Variants in METTL24 observed in about 807,000 individuals in gnomAD.
METTL24 encodes the protein probable methyltransferase-like protein 24.
A neutral mutation model predicts 32.7 loss-of-function variants in METTL24; 29 were observed. That is an observed-to-expected ratio of 0.89 (90% CI 0.66 to 1.21). METTL24 has a LOEUF of 1.21. Among genes scored for constraint, METTL24 ranks in the 50% most tolerant of loss-of-function variants. The pLI, the probability that METTL24 is intolerant of heterozygous loss-of-function variation, is 0.00. For synonymous variants in METTL24, 163 were observed against 179.5 expected (o/e 0.91, Z 0.73); for missense variants, 439 against 468.1 (o/e 0.94, Z 0.57).
Position 110,341,473 on chromosome 6 carries a change from T to C in METTL24, c.318+16482A>G, listed in dbSNP as rs553827386. 1.2e-4 allele frequency among the ~76,000 whole-genome samples: 19 copies of C among 152,350 alleles called. No individual in the cohort carries two copies. The East Asian group carries it at 2.7e-3, about 22-fold the overall frequency. On this transcript the variant is annotated intron_variant, in intron 1 of 4. Transcript: ENST00000338882. Reference sequence around the variant, plus strand: ...TTCTGAGCAAAATGAATATTCACTATTCAAAAGGACATGCCCTATCCTAAT... The same window carrying C: ...TTCTGAGCAAAATGAATATTCACTACTCAAAAGGACATGCCCTATCCTAAT...
At chr6:110,324,613 A>G (rs988878559) in intron 1 of METTL24, among the ~76,000 whole-genome samples, 1 of 152,236 alleles carries the variant, frequency 6.6e-6, no homozygotes, top group Non-Finnish European at 1.5e-5. Context: ...GGGCCCACGA[A>G]TCATGTAGCC....
At chr6:110,260,610 G>A (rs1778475367) in intron 4 of METTL24, among the ~76,000 whole-genome samples, 1 of 152,158 alleles carries the variant, frequency 6.6e-6, no homozygotes, top group Non-Finnish European at 1.5e-5. Flanking sequence ...AGGAAATACA[G>A]AGAAGGCCAC....
intron 1 of METTL24, among the ~76,000 whole-genome samples, chr6:110,337,501 C>A (rs1012816058): frequency 1.3e-5 from 2 of 152,162 alleles, no homozygotes; most frequent in Admixed American, 1.3e-4. Flanking sequence ...ACAGCACTTT[C>A]CCAATGCCAC....
intron 4 of METTL24, among the ~76,000 whole-genome samples, chr6:110,262,236 G>C (rs1021138525): frequency 2.6e-5 from 4 of 152,076 alleles, no homozygotes; most frequent in African/African-American, 9.7e-5. Context: ...TAATAAAAAA[G>C]AAAAGAGAGA....
chr6:110,246,526 T>G (rs1433430711), intron 4 of METTL24, among the ~76,000 whole-genome samples: 4 of 152,198 alleles, frequency 2.6e-5, no homozygotes, highest in Non-Finnish European at 5.9e-5. Context: ...CAAGCAATCC[T>G]CCTGCCTCCG....
intron 1 of METTL24, among the ~76,000 whole-genome samples, chr6:110,334,376 G>A (rs981076994): frequency 3.9e-5 from 6 of 152,110 alleles, no homozygotes; most frequent in African/African-American, 1.2e-4. Context: ...CATCCCAGAG[G>A]CCACAGAGAG....
chr6:110,353,547 C>CT (rs75803780), intron 1 of METTL24, among the ~76,000 whole-genome samples: 2,460 of 104,014 alleles, frequency 0.024, 63 homozygotes, highest in African/African-American at 0.066. Context: ...GGAAACAGTT[C>CT]TTTTTTTTTT....
Position 110,351,591 on chromosome 6 carries a change from G to C in METTL24, c.318+6364C>G, listed in dbSNP as rs1009684248. Reference sequence around the variant, plus strand: ...AAATATGAGAAAAACAAAAACCTAAGGGCAAAACTGCATAAAAATTATACC... The same window carrying C: ...AAATATGAGAAAAACAAAAACCTAACGGCAAAACTGCATAAAAATTATACC... On this transcript the variant is annotated intron_variant, in intron 1 of 4. Transcript: ENST00000338882. 3.9e-5 allele frequency among the ~76,000 whole-genome samples: 6 copies of C among 152,312 alleles called. No individual in the cohort carries two copies. In the East Asian group the frequency reaches 1.2e-3, roughly 29 times the overall value.
In METTL24 at chr6:110,332,539, T is replaced by C. The variant is rs141231359; in HGVS notation, c.319-9667A>G. 72 of 956,952 alleles carry C rather than the reference T, an allele frequency of 7.5e-5. No individual in the cohort carries two copies. The East Asian group carries it at 6.0e-3, about 80-fold the overall frequency. The allele number at this position is 956,952 out of a possible 1,614,324, so 59.3% of individuals were successfully genotyped here. On this transcript the variant is annotated intron_variant, in intron 1 of 4. Coordinates refer to ENST00000338882, the MANE Select transcript of METTL24 (RefSeq NM_001123364.3). The stretch of plus-strand genomic sequence containing the variant: ...TAGTAAAGTTTCAGATGTCAAATTA[T>C]GGGTTTCATTGAGGTAGCACATCAA...
intron 1 of METTL24, among the ~76,000 whole-genome samples, chr6:110,326,540 G>A (rs1262479476): frequency 6.6e-6 from 1 of 152,206 alleles, no homozygotes; most frequent in Non-Finnish European, 1.5e-5. Flanking sequence ...TGTTAACTGG[G>A]TGACTTGGGC....
At chr6:110,247,966 G>C (rs1031045377) in intron 4 of METTL24, among the ~76,000 whole-genome samples, 1 of 152,114 alleles carries the variant, frequency 6.6e-6, no homozygotes, top group Non-Finnish European at 1.5e-5. Flanking sequence ...GGTCATAGGG[G>C]TGGATCCCTC....
At chr6:110,357,772 C>A (rs1772727459) in intron 1 of METTL24, 183 bp downstream of exon 1, 2 of 228,210 alleles carry the variant, frequency 8.8e-6, no homozygotes, top group Non-Finnish European at 1.7e-5. Flanking sequence ...GCACTTCAGT[C>A]TATCTGGGCA....
chr6:110,261,626 T>C (rs1186029062), intron 4 of METTL24, among the ~76,000 whole-genome samples: 1 of 152,186 alleles, frequency 6.6e-6, no homozygotes, highest in African/African-American at 2.4e-5. Context: ...CTAATAGACA[T>C]CTACAGAACT....
chr6:110,285,785 G>A (rs1335563344), intron 4 of METTL24, among the ~76,000 whole-genome samples: 1 of 152,208 alleles, frequency 6.6e-6, no homozygotes, highest in Admixed American at 6.5e-5. Context: ...TGGGCTTACA[G>A]CCCTCTGCTC....
At chr6:110,334,954 A>G (rs1195426582) in intron 1 of METTL24, among the ~76,000 whole-genome samples, 1 of 152,206 alleles carries the variant, frequency 6.6e-6, no homozygotes, top group Non-Finnish European at 1.5e-5. Context: ...TGAATGCACT[A>G]TAAGTTATAG....
At chr6:110,321,443 A>C (rs1295493360) in intron 2 of METTL24, among the ~76,000 whole-genome samples, 1 of 152,182 alleles carries the variant, frequency 6.6e-6, no homozygotes, top group Admixed American at 6.5e-5. Context: ...TATTTTGGCG[A>C]GTGAAGCCCA....
At chr6:110,355,360 G>A (rs1772682171) in intron 1 of METTL24, among the ~76,000 whole-genome samples, 4 of 152,174 alleles carry the variant, frequency 2.6e-5, no homozygotes, top group African/African-American at 7.2e-5. Context: ...AGTGAATGAC[G>A]TTTGGAGACT....
intron 3 of METTL24, among the ~76,000 whole-genome samples, chr6:110,310,899 A>G (rs983375938): frequency 2.0e-5 from 3 of 151,874 alleles, no homozygotes; most frequent in African/African-American, 7.3e-5. Flanking sequence ...CCAGGAATTT[A>G]CTCCCAGCTG....
At chr6:110,272,279 A>C (rs1156932678) in intron 4 of METTL24, among the ~76,000 whole-genome samples, 1 of 151,952 alleles carries the variant, frequency 6.6e-6, no homozygotes, top group Non-Finnish European at 1.5e-5. Flanking sequence ...GCTCCATCCA[A>C]GTTGTTGCAA....
Sources: allele counts gnomAD v4.1 joint callset (sites outside exome capture counted in the v4.1 genomes callset), GRCh38; gene constraint gnomAD v4.1.1; transcripts MANE v1.5; gene names NCBI Gene and HGNC (gene_info 2026-07-23, HGNC 2026-07-21).